REEP1: variants seen among roughly 807,000 people sequenced by gnomAD.
REEP1 encodes receptor expression-enhancing protein 1.
A neutral mutation model predicts 40.3 loss-of-function variants in REEP1; 22 were observed. The observed-to-expected ratio is 0.55, with a 90% CI of 0.39 to 0.78. The LOEUF is 0.78. REEP1 is among the 30% of genes least tolerant of loss of function. The pLI is 0.00. For synonymous variants in REEP1, 116 were observed against 139.2 expected (o/e 0.83, Z 1.17); for missense variants, 280 against 361.1 (o/e 0.78, Z 1.82).
At chr2:86,288,058 C>T (rs1228894235) in intron 1 of REEP1, among the ~76,000 whole-genome samples, 1 of 141,530 alleles carries the variant, frequency 7.1e-6, no homozygotes, top group Non-Finnish European at 1.5e-5. Flanking sequence ...GTCTCGCTCC[C>T]ATTGTGCAGG....
At chr2:86,236,639 C>A (rs750373616) in intron 5 of REEP1, among the ~76,000 whole-genome samples, 3 of 151,950 alleles carry the variant, frequency 2.0e-5, no homozygotes, top group African/African-American at 4.8e-5. Context: ...AGGTAGATCC[C>A]GTTTCTATTT....
At chr2:86,230,462 C>T (rs542478512) in intron 6 of REEP1, among the ~76,000 whole-genome samples, 3 of 152,346 alleles carry the variant, frequency 2.0e-5, no homozygotes, top group East Asian at 3.9e-4. Flanking sequence ...GGCAAAGGGA[C>T]GCCAGGGCCA....
At chr2:86,270,994 C>T (rs1267834859) in intron 2 of REEP1, among the ~76,000 whole-genome samples, 1 of 151,970 alleles carries the variant, frequency 6.6e-6, no homozygotes, top group Non-Finnish European at 1.5e-5. Context: ...GAGTTCTAGA[C>T]CAGCCTGGGC....
upstream of REEP1, chr2:86,337,960 C>G: frequency 7.0e-7 from 1 of 1,432,844 alleles, no homozygotes; most frequent in Non-Finnish European, 9.5e-7. This position sits in a 1 kb window ranked among gnomAD's most constrained non-coding sequence, Gnocchi z 5.8. Flanking sequence ...TCTGTCTGCA[C>G]CTGTCTAGGT....
At chr2:86,292,568 C>T (rs1678773299) in intron 1 of REEP1, among the ~76,000 whole-genome samples, 1 of 152,150 alleles carries the variant, frequency 6.6e-6, no homozygotes, top group African/African-American at 2.4e-5. Context: ...CTTATGCTCC[C>T]CTCCCCAGAC....
At chr2:86,251,795 G>C in intron 5 of REEP1, 162 bp downstream of exon 5, 1 of 707,652 alleles carries the variant, frequency 1.4e-6, no homozygotes. Context: ...ATTTTCTGGG[G>C]CAAGATTCAG....
chr2:86,218,577 A>G (rs1674250412), intron 8 of REEP1, among the ~76,000 whole-genome samples: 1 of 152,264 alleles, frequency 6.6e-6, no homozygotes. Flanking sequence ...AACTGTAAAC[A>G]GTAAAGCAGT....
At chr2:86,286,292 T>C (rs183063196) in intron 1 of REEP1, among the ~76,000 whole-genome samples, 2 of 152,294 alleles carry the variant, frequency 1.3e-5, no homozygotes, top group Admixed American at 1.3e-4. Flanking sequence ...ATCTGGGCAA[T>C]GTCTAGAGAC....
intron 1 of REEP1, among the ~76,000 whole-genome samples, chr2:86,313,300 CTT>C (rs77130679): frequency 2.4e-4 from 33 of 136,490 alleles, no homozygotes; most frequent in Admixed American, 4.3e-4. Flanking sequence ...CTTTTCTTTT[CTT>C]TTTTTTTTTT....
chr2:86,261,374 G>A (rs1391331506), intron 3 of REEP1, among the ~76,000 whole-genome samples: 1 of 152,174 alleles, frequency 6.6e-6, no homozygotes, highest in African/African-American at 2.4e-5. Flanking sequence ...ACTCCATTTT[G>A]TTCTGTACTA....
intron 2 of REEP1, among the ~76,000 whole-genome samples, chr2:86,276,348 A>T (rs1158554883): frequency 6.6e-6 from 1 of 152,180 alleles, no homozygotes; most frequent in Admixed American, 6.5e-5. Flanking sequence ...TTTTTTCTGC[A>T]TGTGGACTTG....
Position 86,241,268 on chromosome 2 carries a change from G to A in REEP1, c.418-8466C>T, listed in dbSNP as rs142195915. Among the ~76,000 whole-genome samples the A allele has an allele frequency of 9.2e-5, 14 of 152,352 alleles. No individual in the cohort carries two copies. In the East Asian group the frequency reaches 2.7e-3, roughly 29 times the overall value. On this transcript the variant is annotated intron_variant, in intron 5 of 8. Coordinates refer to ENST00000538924, the MANE Select transcript of REEP1 (RefSeq NM_001371279.1). ...AGGAAGGACTAAGGGTGGGAAGGGGGACCCACAGGACAAATCTGCCCAGCC... is the reference window on the plus strand; with the variant it reads ...AGGAAGGACTAAGGGTGGGAAGGGGAACCCACAGGACAAATCTGCCCAGCC...
At position 86,220,098 on chromosome 2, in the gene REEP1, C is replaced by T; in HGVS notation, c.655G>A (p.Gly219Ser). 4.1e-6 allele frequency: 5 copies of T among 1,232,128 alleles called. No homozygotes were observed. The highest frequency in any genetic ancestry group is 5.1e-6 in the Non-Finnish European group (5 of 987,978). The allele number at this position is 1,232,128 out of a possible 1,614,324, so 76.3% of individuals were successfully genotyped here. A position where few individuals can be genotyped will look rare whatever the true frequency, so the allele number is the denominator to read the frequency against. Reference sequence around the variant, plus strand: ...TGGGGCTCCCATGCCTTCATACCACCCTCATTCACATCTCCCTCAACCACT... The same window carrying T: ...TGGGGCTCCCATGCCTTCATACCACTCTCATTCACATCTCCCTCAACCACT... ...WKVVEGDVNEGGMKAWEPHQV... is the reference protein window; with the variant it reads ...WKVVEGDVNESGMKAWEPHQV... The change falls in exon 8 of 9, where the codon GGT becomes AGT. Residue 219 changes from glycine to serine, a missense_variant. This residue lies in a region of REEP1 where 201 missense variants were observed against 238.5 expected (regional missense o/e 0.84). Transcript: ENST00000538924.
intron 5 of REEP1, among the ~76,000 whole-genome samples, chr2:86,248,577 G>C (rs1409020612): frequency 1.3e-5 from 2 of 151,956 alleles, no homozygotes; most frequent in African/African-American, 4.8e-5. Context: ...CTGCCTCCCA[G>C]GTAGCTGGGA....
chr2:86,216,873 G>GA lies in REEP1; in HGVS notation c.*165dup, dbSNP rs59345004. On this transcript the variant is annotated 3_prime_UTR_variant, in exon 9 of 9. Transcript: ENST00000538924. ...TCCCCAGCAAAATAAAGAAAAGGGG[G>GA]AAAAAAATAAATCCTTAAAAGTGGA... 4 of 624,440 alleles carry GA rather than the reference G, an allele frequency of 6.4e-6. No homozygotes were observed. The Admixed American group carries it at 8.4e-5, about 13-fold the overall frequency. 38.7% of individuals were successfully genotyped at this position (624,440 alleles called of 1,614,324 possible).
chr2:86,323,718 T>G (rs7593666), intron 1 of REEP1, among the ~76,000 whole-genome samples: 17,431 of 152,208 alleles, frequency 0.11, 1,983 homozygotes, highest in African/African-American at 0.29. Flanking sequence ...AGGCACTCTT[T>G]AAGGAGAACA....
chr2:86,335,539 A>C (rs1484802778), intron 1 of REEP1, among the ~76,000 whole-genome samples: 1 of 151,970 alleles, frequency 6.6e-6, no homozygotes, highest in Non-Finnish European at 1.5e-5. Flanking sequence ...CTCCACCCCC[A>C]TCAGTTGCTC....
chr2:86,337,771 G>A, upstream of REEP1: 1 of 795,324 alleles, frequency 1.3e-6, no homozygotes, highest in Non-Finnish European at 1.6e-6. The surrounding 1 kb of genome is among the most constrained non-coding windows in gnomAD (Gnocchi z 5.8). Context: ...CCGCGGGCCC[G>A]CCCCGTCCCG....
At chr2:86,327,493 T>C (rs963619695) in intron 1 of REEP1, among the ~76,000 whole-genome samples, 70 of 151,442 alleles carry the variant, frequency 4.6e-4, no homozygotes, top group African/African-American at 1.6e-3. Context: ...TTGTTGACAA[T>C]GGTAAGGACT....
Sources: allele counts gnomAD v4.1 joint callset (sites outside exome capture counted in the v4.1 genomes callset), GRCh38; gene constraint gnomAD v4.1.1; regional missense constraint gnomAD v4.1.1; non-coding constraint Gnocchi (gnomAD v3.1); transcripts MANE v1.5; gene names NCBI Gene and HGNC (gene_info 2026-07-23, HGNC 2026-07-21).